The following GUCY2C variants were observed in gnomAD, a reference collection of about 807,000 sequenced individuals.
GUCY2C encodes guanylyl cyclase C.
Under a neutral mutation model 131.1 loss-of-function variants are expected in GUCY2C, and 118 were observed. That is an observed-to-expected ratio of 0.90 (90% CI 0.78 to 1.05). GUCY2C has a LOEUF of 1.05. GUCY2C is among the 50% of genes least tolerant of loss of function. The probability of loss-of-function intolerance (pLI) is 0.00; values close to 1 mark genes in which losing one functional copy is unlikely to be tolerated. For synonymous variants in GUCY2C, 452 were observed against 457.8 expected, an observed-to-expected ratio of 0.99 and a Z score of 0.16; for missense variants, 1,161 against 1,304.4, an observed-to-expected ratio of 0.89 and a Z score of 1.69.
chr12:14,647,439 C>T (rs374664185), intron 15 of GUCY2C, among the ~76,000 whole-genome samples: 1 of 152,054 alleles, frequency 6.6e-6, no homozygotes, highest in South Asian at 2.1e-4. Context: ...GTGAATTTGT[C>T]GGTATAGGGT....
At chr12:14,629,752 G>A (rs986436903) in intron 19 of GUCY2C, among the ~76,000 whole-genome samples, 2 of 152,192 alleles carry the variant, frequency 1.3e-5, no homozygotes, top group African/African-American at 4.8e-5. Flanking sequence ...GCAAACAATA[G>A]TATCACCTGG....
At chr12:14,690,449 C>T (rs778048026) in intron 1 of GUCY2C, among the ~76,000 whole-genome samples, 11 of 152,206 alleles carry the variant, frequency 7.2e-5, no homozygotes, top group Non-Finnish European at 1.6e-4. Flanking sequence ...ATAGCAGAAC[C>T]ATTTGACCAC....
At chr12:14,620,910 A>G in intron 23 of GUCY2C, 132 bp downstream of exon 23, 1 of 708,130 alleles carries the variant, frequency 1.4e-6, no homozygotes, top group Non-Finnish European at 2.3e-6. Flanking sequence ...GGGACCTCAC[A>G]TTTGGCAAAA....
chr12:14,630,468 T>C (rs1022324548), intron 19 of GUCY2C, among the ~76,000 whole-genome samples: 3 of 152,174 alleles, frequency 2.0e-5, no homozygotes, highest in Non-Finnish European at 4.4e-5. Context: ...AACAGGATGG[T>C]TTTGTCTGTG....
In GUCY2C at chr12:14,628,659, C is replaced by T. The variant is rs750529400; in HGVS notation, c.2236G>A (p.Ala746Thr). Residue 746 changes from alanine to threonine, a missense_variant, in exon 20 of 27, where the codon GCC becomes ACC. Coordinates refer to ENST00000261170, the MANE Select transcript of GUCY2C (RefSeq NM_004963.4). ...TTTCAGCAATACCCAAATATCTTGG[C>T]AAGTGTAGTCTCAATTTTTTTGAAA... ...PDFKKIETTL[A>T]KIFGLFHDQK... 3 of 1,544,914 alleles carry T rather than the reference C, an allele frequency of 1.9e-6. No homozygotes were observed. The Admixed American group carries it at 5.0e-5, about 26-fold the overall frequency.
intron 16 of GUCY2C, among the ~76,000 whole-genome samples, chr12:14,644,740 C>CTT (rs542151875): frequency 0.05 from 5,465 of 108,504 alleles, 578 homozygotes; most frequent in African/African-American, 0.18. Flanking sequence ...ATTCAGTTGT[C>CTT]TTTTTTTTTT....
At chr12:14,645,897 A>G (rs1947513074) in intron 15 of GUCY2C, among the ~76,000 whole-genome samples, 1 of 150,898 alleles carries the variant, frequency 6.6e-6, no homozygotes, top group Non-Finnish European at 1.5e-5. Context: ...ATGCAGTGGC[A>G]CAATCTCAGC....
chr12:14,662,237 G>T (rs186982926), intron 10 of GUCY2C, among the ~76,000 whole-genome samples: 1 of 152,194 alleles, frequency 6.6e-6, no homozygotes, highest in African/African-American at 2.4e-5. Flanking sequence ...ATCCAATCAG[G>T]AATTCTAAGG....
intron 2 of GUCY2C, among the ~76,000 whole-genome samples, chr12:14,686,981 G>C (rs1948484208): frequency 6.6e-6 from 1 of 152,096 alleles, no homozygotes; most frequent in African/African-American, 2.4e-5. Context: ...CTTTTCTTTA[G>C]TTTCTGTATT....
At chr12:14,635,016 G>A (rs1358192754) in intron 19 of GUCY2C, among the ~76,000 whole-genome samples, 1 of 152,146 alleles carries the variant, frequency 6.6e-6, no homozygotes, top group East Asian at 1.9e-4. Flanking sequence ...TCTAATAATA[G>A]TTGGGGACTT....
chr12:14,667,505 TACAGGAATC>T (rs1319377401), intron 10 of GUCY2C, among the ~76,000 whole-genome samples: 2 of 152,148 alleles, frequency 1.3e-5, no homozygotes, highest in African/African-American at 2.4e-5. Flanking sequence ...TGGATAAAAG[TACAGGAATC>T]ATTTTGGACT....
At chr12:14,656,755 C>T (rs1022072633) in intron 11 of GUCY2C, 138 bp from the exon 12 acceptor site, 1 of 495,486 alleles carries the variant, frequency 2.0e-6, no homozygotes, top group African/African-American at 1.9e-5. Flanking sequence ...GACAGAACAC[C>T]ATGTCCTCCA....
chr12:14,691,896 A>G (rs1473636415), intron 1 of GUCY2C, among the ~76,000 whole-genome samples: 1 of 152,174 alleles, frequency 6.6e-6, no homozygotes, highest in East Asian at 1.9e-4. Context: ...TTTTACAGGT[A>G]TTATTTCACT....
chr12:14,618,033 G>A (rs111695839), intron 24 of GUCY2C, among the ~76,000 whole-genome samples: 2,108 of 152,184 alleles, frequency 0.014, 63 homozygotes, highest in African/African-American at 0.048. Context: ...CTGTGGTTTC[G>A]TAAGCCCCAG....
rs558836496 is a variant in GUCY2C at position 14,661,168 on chromosome 12, A to T, written c.1283-106T>A. On this transcript the variant is annotated intron_variant, in intron 10 of 26. Coordinates refer to ENST00000261170, the MANE Select transcript of GUCY2C (RefSeq NM_004963.4). ...TGGGGAAGGGAAAAGAGAACCCTTT[A>T]AAAAAATTTATTTTTTATTAATTTC... 59 of 693,802 alleles carry T rather than the reference A, an allele frequency of 8.5e-5. No homozygotes were observed. In the East Asian group the frequency reaches 1.6e-3, roughly 19 times the overall value. The allele number at this position is 693,802 out of a possible 1,614,324, so 43.0% of individuals were successfully genotyped here. A position where few individuals can be genotyped will look rare whatever the true frequency, so the allele number is the denominator to read the frequency against.
At chr12:14,626,228 CAGG>C (rs1947012822) in intron 20 of GUCY2C, among the ~76,000 whole-genome samples, 1 of 151,926 alleles carries the variant, frequency 6.6e-6, no homozygotes, top group African/African-American at 2.4e-5. Flanking sequence ...GAGGCCGAGG[CAGG>C]AGAATTGCTT....
chr12:14,651,244 C>T (rs2137038245), intron 15 of GUCY2C, among the ~76,000 whole-genome samples, 163 bp downstream of exon 15: 1 of 152,164 alleles, frequency 6.6e-6, no homozygotes, highest in East Asian at 1.9e-4. Context: ...TTTATAAAAA[C>T]ATAATAAGAC....
intron 26 of GUCY2C, chr12:14,614,598 G>C: frequency 2.5e-6 from 1 of 395,008 alleles, no homozygotes; most frequent in East Asian, 5.3e-5. Flanking sequence ...CCCCACATCT[G>C]ATTCAGGGAA....
chr12:14,682,830 A>T (rs1275675478), intron 4 of GUCY2C, among the ~76,000 whole-genome samples: 3 of 152,228 alleles, frequency 2.0e-5, no homozygotes, highest in Non-Finnish European at 4.4e-5. Context: ...AACAGTAAAG[A>T]GTGTTGCAGA....
Sources: allele counts gnomAD v4.1 joint callset (sites outside exome capture counted in the v4.1 genomes callset), GRCh38; gene constraint gnomAD v4.1.1; transcripts MANE v1.5; gene names NCBI Gene and HGNC (gene_info 2026-07-23, HGNC 2026-07-21).